The following LRRTM4 variants were observed in gnomAD, a reference collection of about 807,000 sequenced individuals.
LRRTM4 encodes leucine-rich repeat transmembrane neuronal protein 4.
In LRRTM4, 25 loss-of-function variants were observed where a neutral mutation model predicts 47.6. The ratio of observed to expected loss-of-function variants is 0.53; its 90% CI spans 0.38 to 0.73. LRRTM4 has a LOEUF of 0.73. LRRTM4 is among the 30% of genes least tolerant of loss of function. LRRTM4 has a pLI of 0.00. For missense variants in LRRTM4, 638 were observed against 713.4 expected (o/e 0.89, Z 1.20); for synonymous variants, 311 against 269.5 (o/e 1.15, Z -1.51).
rs1019170119 is a variant in LRRTM4 at position 77,151,379 on chromosome 2, T to G, written c.1551+366939A>C. ...TATTGTATTTACTAATTCTATAAGTTTGACCATGATAGATGCCTCATATAA... is the reference window on the plus strand; with the variant it reads ...TATTGTATTTACTAATTCTATAAGTGTGACCATGATAGATGCCTCATATAA... On this transcript the variant is annotated intron_variant, in intron 3 of 3. Transcript: ENST00000409884. Among the ~76,000 whole-genome samples the G allele has an allele frequency of 4.6e-5, 7 of 152,166 alleles. No homozygotes were observed. The East Asian group carries it at 9.6e-4, about 21-fold the overall frequency.
chr2:77,067,264 G>C (rs1032027693), intron 3 of LRRTM4, among the ~76,000 whole-genome samples: 8 of 152,034 alleles, frequency 5.3e-5, no homozygotes, highest in African/African-American at 1.9e-4. Flanking sequence ...TAAAACTTAA[G>C]GGAAAATCCT....
intron 3 of LRRTM4, among the ~76,000 whole-genome samples, chr2:76,854,602 T>C (rs1242922248): frequency 2.6e-5 from 4 of 152,152 alleles, no homozygotes; most frequent in African/African-American, 7.2e-5. Context: ...AATCTAACTA[T>C]AGTTGAATTT....
intron 3 of LRRTM4, among the ~76,000 whole-genome samples, chr2:76,877,689 G>A (rs966088987): frequency 4.6e-5 from 7 of 152,024 alleles, no homozygotes; most frequent in African/African-American, 7.2e-5. Context: ...AACTTTATCA[G>A]TGACACCTAG....
rs7607616 is a variant in LRRTM4 at position 77,089,235 on chromosome 2, G to C, written c.1552-340319C>G. Among the ~76,000 whole-genome samples the C allele has an allele frequency of 2.2e-4, 13 of 60,120 alleles. No homozygotes were observed. The East Asian group carries it at 8.6e-3, about 40-fold the overall frequency. 39.4% of individuals were successfully genotyped at this position (60,120 alleles called of 152,430 possible). A position where few individuals can be genotyped will look rare whatever the true frequency, so the allele number is the denominator to read the frequency against. ...GACAGGGCAAGTAACCGAACCCCTT[G>C]TCTTCTTGTCTCTACCCCTTCTCTG... On this transcript the variant is annotated intron_variant, in intron 3 of 3. Coordinates refer to ENST00000409884, the MANE Select transcript of LRRTM4 (RefSeq NM_001134745.3).
At chr2:77,338,398 A>G (rs927877654) in intron 3 of LRRTM4, among the ~76,000 whole-genome samples, 1 of 152,078 alleles carries the variant, frequency 6.6e-6, no homozygotes, top group Non-Finnish European at 1.5e-5. Flanking sequence ...CACAAGAAAA[A>G]TCAAATAACC....
chr2:77,000,560 A>C (rs1205978989), intron 3 of LRRTM4, among the ~76,000 whole-genome samples: 1 of 152,220 alleles, frequency 6.6e-6, no homozygotes, highest in African/African-American at 2.4e-5. Context: ...GCAAAGGCAC[A>C]GTATTGCCCA....
chr2:76,870,078 G>A (rs72821228), intron 3 of LRRTM4, among the ~76,000 whole-genome samples: 2,148 of 152,194 alleles, frequency 0.014, 48 homozygotes, highest in East Asian at 0.077. Flanking sequence ...CCTTTGAGGA[G>A]TGTCCTGGGA....
At chr2:76,805,096 T>C (rs978708935) in intron 3 of LRRTM4, among the ~76,000 whole-genome samples, 1 of 152,148 alleles carries the variant, frequency 6.6e-6, no homozygotes, top group African/African-American at 2.4e-5. Context: ...ACTTAAACTT[T>C]TAATGAAGAT....
intron 3 of LRRTM4, among the ~76,000 whole-genome samples, chr2:77,050,104 A>C (rs1287996195): frequency 1.3e-5 from 2 of 150,804 alleles, no homozygotes; most frequent in East Asian, 3.9e-4. Flanking sequence ...TCTAGTCTGC[A>C]GATGTGTTTT....
In LRRTM4 at chr2:77,257,492, A is replaced by T. The variant is rs111264634; in HGVS notation, c.1551+260826T>A. On this transcript the variant is annotated intron_variant, in intron 3 of 3. Coordinates refer to ENST00000409884, the MANE Select transcript of LRRTM4 (RefSeq NM_001134745.3). ...TACATAGTTGTACATTTAATAAAGC[A>T]GGCAGAGCACTTTTTTGCTGGAAAG... Among the ~76,000 whole-genome samples the T allele has an allele frequency of 4.2e-3, 643 of 152,260 alleles. 1 individual carries two copies. The highest frequency in any genetic ancestry group is 0.015 in the African/African-American group (613 of 41,580).
intron 3 of LRRTM4, among the ~76,000 whole-genome samples, chr2:76,901,101 T>C (rs1047207339): frequency 6.6e-6 from 1 of 152,106 alleles, no homozygotes; most frequent in Non-Finnish European, 1.5e-5. Context: ...GTTTGTTACA[T>C]TGGTAAACGT....
chr2:76,809,058 C>G (rs1375344485), intron 3 of LRRTM4, among the ~76,000 whole-genome samples: 2 of 151,978 alleles, frequency 1.3e-5, no homozygotes, highest in Admixed American at 6.6e-5. Context: ...ATCTTCAAAG[C>G]TATTTCAAAC....
At chr2:77,487,771 C>G (rs1402848736) in intron 3 of LRRTM4, among the ~76,000 whole-genome samples, 1 of 152,162 alleles carries the variant, frequency 6.6e-6, no homozygotes, top group East Asian at 1.9e-4. Flanking sequence ...CCAGGCCCAC[C>G]TATGGCCACC....
chr2:76,826,700 GC>G (rs1221950257), intron 3 of LRRTM4, among the ~76,000 whole-genome samples: 16 of 151,750 alleles, frequency 1.1e-4, no homozygotes, highest in African/African-American at 3.9e-4. Context: ...GGTTTGGTCA[GC>G]CATAAAAGCA....
chr2:77,429,645 A>C (rs1361780731), intron 3 of LRRTM4, among the ~76,000 whole-genome samples: 2 of 152,236 alleles, frequency 1.3e-5, no homozygotes, highest in Non-Finnish European at 1.5e-5. Flanking sequence ...TGTATGTGGA[A>C]TCAGAAAAAG....
chr2:77,093,512 T>A lies in LRRTM4; in HGVS notation c.1552-344596A>T, dbSNP rs764956301. On this transcript the variant is annotated intron_variant, in intron 3 of 3. Coordinates refer to ENST00000409884, the MANE Select transcript of LRRTM4 (RefSeq NM_001134745.3). Reference sequence around the variant, plus strand: ...ACTTCCCTTCAGCTTAATCTCTCCCTCTCTACATTCCCACACCACCCCTAA... The same window carrying A: ...ACTTCCCTTCAGCTTAATCTCTCCCACTCTACATTCCCACACCACCCCTAA... Among the ~76,000 whole-genome samples the A allele has an allele frequency of 5.2e-4, 79 of 151,784 alleles. 1 individual carries two copies. Among genetic ancestry groups the A allele is most frequent in the Middle Eastern group, 3.4e-3 (1 of 294 alleles).
At chr2:77,034,151 T>A (rs1474367144) in intron 3 of LRRTM4, among the ~76,000 whole-genome samples, 1 of 151,858 alleles carries the variant, frequency 6.6e-6, no homozygotes. Flanking sequence ...TTTTCAAAAT[T>A]TGGAAAATTT....
At position 76,960,693 on chromosome 2, in the gene LRRTM4, G is replaced by A. The variant is rs1675827975; in HGVS notation, c.1552-211777C>T. Among the ~76,000 whole-genome samples, 5 of 151,456 alleles carry A rather than the reference G, an allele frequency of 3.3e-5. No individual in the cohort carries two copies. The South Asian group carries it at 1.0e-3, about 31-fold the overall frequency. On this transcript the variant is annotated intron_variant, in intron 3 of 3. Transcript: ENST00000409884. ...AAAATTAAAGGGACTCTAGAATCAC[G>A]ACGTTAAGTTTTGAACCTTATTGTC...
intron 3 of LRRTM4, among the ~76,000 whole-genome samples, chr2:77,245,840 G>T (rs1041950230): frequency 6.6e-6 from 1 of 152,124 alleles, no homozygotes; most frequent in Non-Finnish European, 1.5e-5. Flanking sequence ...ATTTTAGATG[G>T]TTATTCTCAC....
Sources: allele counts gnomAD v4.1 joint callset (sites outside exome capture counted in the v4.1 genomes callset), GRCh38; gene constraint gnomAD v4.1.1; transcripts MANE v1.5; gene names NCBI Gene and HGNC (gene_info 2026-07-23, HGNC 2026-07-21).